Variants in OSGIN2 observed in about 807,000 individuals in gnomAD.
The protein encoded by OSGIN2 is oxidative stress induced growth inhibitor family member 2, also known as oxidative stress-induced growth inhibitor 2.
A neutral mutation model predicts 53.8 loss-of-function variants in OSGIN2; 19 were observed. The ratio of observed to expected loss-of-function variants is 0.35; its 90% CI spans 0.25 to 0.52. The LOEUF (loss-of-function observed/expected upper bound fraction) is 0.52. Among genes scored for constraint, OSGIN2 ranks in the 20% least tolerant of loss-of-function variants. The pLI is 0.95. For missense variants in OSGIN2, 520 were observed against 662.7 expected (o/e 0.78, Z 2.36); for synonymous variants, 236 against 236.0 (o/e 1.00, Z 0.00).
At chr8:89,921,222 T>C (rs753379814) in intron 5 of OSGIN2, 51 bp downstream of exon 5, 6 of 1,070,722 alleles carry the variant, frequency 5.6e-6, no homozygotes, top group Non-Finnish European at 7.0e-6. Context: ...AAAAAGAGAA[T>C]GTGGAAAAAT....
At chr8:89,917,989 C>CTTTA (rs918809288) in intron 4 of OSGIN2, among the ~76,000 whole-genome samples, 10 of 152,116 alleles carry the variant, frequency 6.6e-5, no homozygotes. Context: ...GCCAGCTGAT[C>CTTTA]TTTATCCTTT....
chr8:89,912,737 T>A (rs1808993352), intron 2 of OSGIN2, among the ~76,000 whole-genome samples: 1 of 151,056 alleles, frequency 6.6e-6, no homozygotes, highest in Non-Finnish European at 1.5e-5. Flanking sequence ...ACAGCGAGAC[T>A]CTGTCTGAAA....
intron 2 of OSGIN2, 75 bp downstream of exon 2, chr8:89,909,796 A>T: frequency 1.1e-6 from 1 of 941,132 alleles, no homozygotes; most frequent in Non-Finnish European, 1.5e-6. Flanking sequence ...CAGTTAGTAC[A>T]AGTTCTTAAG....
At position 89,914,114 on chromosome 8, in the gene OSGIN2, A is replaced by ATC; in HGVS notation, c.238_239dup (p.Gly81GlnfsTer18). On this transcript the variant is annotated frameshift_variant, in exon 3 of 6. Transcript: ENST00000451899. LOFTEE classifies it high-confidence loss of function. ...CAGGAATATGCCTTTCTTATATGTT[A>ATC]TCAGGCTACAGACCGTATTTATCAT... 1 of 1,610,022 alleles carries ATC rather than the reference A, an allele frequency of 6.2e-7. No individual in the cohort carries two copies.
chr8:89,909,195 G>C (rs1225125008), intron 1 of OSGIN2, among the ~76,000 whole-genome samples: 1 of 151,058 alleles, frequency 6.6e-6, no homozygotes. Flanking sequence ...TTGTATTTTA[G>C]TGCACTCACC....
At chr8:89,910,826 C>T (rs1808953028) in intron 2 of OSGIN2, among the ~76,000 whole-genome samples, 1 of 152,202 alleles carries the variant, frequency 6.6e-6, no homozygotes, top group South Asian at 2.1e-4. Flanking sequence ...CCTGTTTTGC[C>T]TCAGCTAGCT....
intron 2 of OSGIN2, among the ~76,000 whole-genome samples, chr8:89,911,760 T>G (rs899343103): frequency 1.3e-4 from 20 of 150,294 alleles, no homozygotes; most frequent in Admixed American, 2.0e-4. Context: ...GGGTGAAACC[T>G]TGTCTCTACT....
chr8:89,914,418 A>C, intron 3 of OSGIN2, 137 bp from the exon 4 acceptor site: 1 of 712,532 alleles, frequency 1.4e-6, no homozygotes, highest in East Asian at 2.7e-5. Context: ...TTATTTTCTA[A>C]TGGAGATTTA....
In OSGIN2 at chr8:89,925,619, G is replaced by A; in HGVS notation, c.*87G>A. 9.9e-7 allele frequency: 1 copy of A among 1,009,320 alleles called. No individual in the cohort carries two copies. Among genetic ancestry groups the A allele is most frequent in the Non-Finnish European group, 1.4e-6 (1 of 701,096 alleles). 62.5% of individuals were successfully genotyped at this position (1,009,320 alleles called of 1,614,324 possible). On this transcript the variant is annotated 3_prime_UTR_variant, in exon 6 of 6. Transcript: ENST00000451899. ...GCAGTGTACTGGCTTGAATTTTCTG[G>A]ACTTGAGTTAACTGAAGGAGAGCCT...
chr8:89,905,687 G>C (rs919865075), intron 1 of OSGIN2, among the ~76,000 whole-genome samples: 19 of 152,308 alleles, frequency 1.2e-4, no homozygotes, highest in Middle Eastern at 3.4e-3. Context: ...GTTTATACCA[G>C]TGGCTCCTGA....
At chr8:89,923,981 CTT>C (rs1377313458) in intron 5 of OSGIN2, among the ~76,000 whole-genome samples, 1 of 152,116 alleles carries the variant, frequency 6.6e-6, no homozygotes. Context: ...TGTAAGATGA[CTT>C]TGTTTAGCAA....
rs532418321 is a variant in OSGIN2 at position 89,921,064 on chromosome 8, T to G, written c.529-16T>G. On this transcript the variant is annotated splice_polypyrimidine_tract_variant and intron_variant, in intron 4 of 5. Coordinates refer to ENST00000451899, the MANE Select transcript of OSGIN2 (RefSeq NM_001126111.3). ...TTGTTTTTTGACGGTACATTTTTTT[T>G]TTTAAACTCTAATAGAATATGGAAG... The G allele has an allele frequency of 6.7e-6, 10 of 1,484,508 alleles. No individual in the cohort carries two copies. The highest frequency in any genetic ancestry group is 1.2e-5 in the South Asian group (1 of 82,134). The allele number at this position is 1,484,508 out of a possible 1,614,324, so 92.0% of individuals were successfully genotyped here. A position where few individuals can be genotyped will look rare whatever the true frequency, so the allele number is the denominator to read the frequency against.
chr8:89,927,453 C>G lies in OSGIN2; in HGVS notation c.*1921C>G, dbSNP rs931991342. On this transcript the variant is annotated 3_prime_UTR_variant, in exon 6 of 6. Coordinates refer to ENST00000451899, the MANE Select transcript of OSGIN2 (RefSeq NM_001126111.3). ...ACATTTGGGCATTTTCTCTGATATA[C>G]TATACTCTCATGTTCTATAAATTTC... 1 of 152,196 alleles carries G rather than the reference C, an allele frequency of 6.6e-6. No individual in the cohort carries two copies. Among genetic ancestry groups the G allele is most frequent in the East Asian group, 1.9e-4 (1 of 5,194 alleles). The allele number at this position is 152,196 out of a possible 1,614,324, so 9.4% of individuals were successfully genotyped here. A position where few individuals can be genotyped will look rare whatever the true frequency, so the allele number is the denominator to read the frequency against.
intron 4 of OSGIN2, among the ~76,000 whole-genome samples, chr8:89,920,519 T>C (rs74875251): frequency 0.01 from 1,565 of 152,288 alleles, 75 homozygotes; most frequent in Admixed American, 0.075. Flanking sequence ...CCTCAGCTCG[T>C]TTGTTTCTCA....
chr8:89,910,260 T>C (rs1218246886), intron 2 of OSGIN2, among the ~76,000 whole-genome samples: 1 of 152,226 alleles, frequency 6.6e-6, no homozygotes, highest in African/African-American at 2.4e-5. Context: ...GCATTTAAGA[T>C]ATTAAAAATT....
chr8:89,902,302 C>T (rs1030034178), upstream of OSGIN2, among the ~76,000 whole-genome samples: 2 of 152,178 alleles, frequency 1.3e-5, no homozygotes, highest in Admixed American at 1.3e-4. Flanking sequence ...CACCAAGTCG[C>T]ACGCAGAGGG....
chr8:89,913,197 G>C (rs780849702), intron 2 of OSGIN2, among the ~76,000 whole-genome samples: 2 of 152,128 alleles, frequency 1.3e-5, no homozygotes, highest in Non-Finnish European at 2.9e-5. Flanking sequence ...TCCGAACCTT[G>C]TGGCCTTTCA....
chr8:89,914,042 A>G (rs1220282717), intron 2 of OSGIN2, 35 bp from the exon 3 acceptor site: 11 of 1,592,898 alleles, frequency 6.9e-6, no homozygotes, highest in Non-Finnish European at 8.6e-6. Flanking sequence ...ATTAAGATGC[A>G]TGACCTACCC....
At chr8:89,908,724 G>A (rs1453802049) in intron 1 of OSGIN2, among the ~76,000 whole-genome samples, 2 of 152,110 alleles carry the variant, frequency 1.3e-5, no homozygotes, top group Non-Finnish European at 2.9e-5. Flanking sequence ...GCATGAAAAT[G>A]TGAGAATGCT....
Sources: gnomAD v4.1 joint callset for allele counts (sites outside exome capture counted in the v4.1 genomes callset) on GRCh38, gnomAD v4.1.1 for gene constraint, MANE v1.5 for transcripts, NCBI Gene and HGNC (gene_info 2026-07-23, HGNC 2026-07-21) for gene names.